The following ATXN7L1 variants were observed in gnomAD, a reference collection of about 807,000 sequenced individuals.
ATXN7L1 encodes ataxin-7-like protein 1.
Under a neutral mutation model 70.8 loss-of-function variants are expected in ATXN7L1, and 15 were observed. The ratio of observed to expected loss-of-function variants is 0.21; its 90% confidence interval spans 0.14 to 0.33. The LOEUF (loss-of-function observed/expected upper bound fraction) is 0.33. Among genes scored for constraint, ATXN7L1 ranks in the 10% least tolerant of loss-of-function variants. The pLI is 1.00. For missense variants in ATXN7L1, 975 were observed against 1,097.1 expected (o/e 0.89, Z 1.57); for synonymous variants, 440 against 445.1 (o/e 0.99, Z 0.14).
chr7:105,632,038 G>A (rs1796669355), intron 7 of ATXN7L1, among the ~76,000 whole-genome samples: 2 of 152,234 alleles, frequency 1.3e-5, no homozygotes, highest in African/African-American at 4.8e-5. Flanking sequence ...ACAAAAGGCT[G>A]AGTGGTGATC....
At chr7:105,666,288 CA>C (rs1386298897) in intron 3 of ATXN7L1, among the ~76,000 whole-genome samples, 1 of 152,218 alleles carries the variant, frequency 6.6e-6, no homozygotes, top group Non-Finnish European at 1.5e-5. Flanking sequence ...TTATGTCTCA[CA>C]CATAATTAGT....
chr7:105,775,233 T>G (rs1349255420), intron 3 of ATXN7L1, among the ~76,000 whole-genome samples: 1 of 152,152 alleles, frequency 6.6e-6, no homozygotes, highest in Non-Finnish European at 1.5e-5. Flanking sequence ...CAATCAACGG[T>G]ATTCCCCGAT....
rs186258737 is a variant in ATXN7L1, at chr7:105,727,196, A to G, written c.355+61408T>C. ...CATTCCTGAATAAACACTATGCACA[A>G]GAGTGTTCACTAGAGCACTGCCAAT... On this transcript the variant is annotated intron_variant, in intron 3 of 11. Coordinates refer to ENST00000419735, the MANE Select transcript of ATXN7L1 (RefSeq NM_020725.2). Among the ~76,000 whole-genome samples, 73 of 152,344 alleles carry G rather than the reference A, an allele frequency of 4.8e-4. 1 individual carries two copies. Among genetic ancestry groups the G allele is most frequent in the African/African-American group, 1.7e-3 (71 of 41,576 alleles).
chr7:105,783,561 C>CA (rs1366627034), intron 3 of ATXN7L1, among the ~76,000 whole-genome samples: 1 of 152,016 alleles, frequency 6.6e-6, no homozygotes, highest in Non-Finnish European at 1.5e-5. Flanking sequence ...ATGGAACCTC[C>CA]AAAAAACCCT....
intron 10 of ATXN7L1, chr7:105,613,449 G>T (rs1441309189): frequency 9.7e-7 from 1 of 1,032,542 alleles, no homozygotes. Context: ...TCCTAAGGGG[G>T]TTCCAACAGA....
At chr7:105,646,444 C>T (rs575729393) in intron 4 of ATXN7L1, among the ~76,000 whole-genome samples, 15 of 152,104 alleles carry the variant, frequency 9.9e-5, no homozygotes, top group African/African-American at 3.4e-4. Flanking sequence ...GTTTTTGAGA[C>T]AGTGTCTCTG....
At chr7:105,791,525 A>G (rs1352727853) in intron 2 of ATXN7L1, among the ~76,000 whole-genome samples, 2 of 152,194 alleles carry the variant, frequency 1.3e-5, no homozygotes, top group African/African-American at 4.8e-5. Flanking sequence ...AACTGTTGAC[A>G]CAGCTCTCGA....
At chr7:105,694,830 A>G (rs1377429049) in intron 3 of ATXN7L1, among the ~76,000 whole-genome samples, 1 of 152,116 alleles carries the variant, frequency 6.6e-6, no homozygotes, top group African/African-American at 2.4e-5. Flanking sequence ...GATAAAACTA[A>G]AAAGGCCAAT....
intron 2 of ATXN7L1, among the ~76,000 whole-genome samples, chr7:105,859,569 C>T (rs992931140): frequency 6.6e-6 from 1 of 151,972 alleles, no homozygotes; most frequent in African/African-American, 2.4e-5. Context: ...TGTGTTACAA[C>T]AATTACCTAC....
chr7:105,875,976 A>G, intron 1 of ATXN7L1, 96 bp from the exon 2 acceptor site: 1 of 1,041,078 alleles, frequency 9.6e-7, no homozygotes, highest in Non-Finnish European at 1.5e-6. Flanking sequence ...ATTTGCAAAC[A>G]GATCGATATA....
intron 3 of ATXN7L1, among the ~76,000 whole-genome samples, chr7:105,733,609 T>TCCATCCTTCCATCCATCCAC (rs1796916680): frequency 2.2e-5 from 1 of 45,742 alleles, no homozygotes; most frequent in African/African-American, 1.0e-4. Context: ...CATCCACCCA[T>TCCATCCTTCCATCCATCCAC]CCATCCATCC....
At chr7:105,738,182 C>G (rs13235564) in intron 3 of ATXN7L1, among the ~76,000 whole-genome samples, 40,748 of 152,118 alleles carry the variant, frequency 0.27, 5,458 homozygotes, top group South Asian at 0.31. Flanking sequence ...AACAAAAGCT[C>G]AACTCTTTCG....
At chr7:105,761,873 T>C (rs1405267015) in intron 3 of ATXN7L1, among the ~76,000 whole-genome samples, 5 of 152,250 alleles carry the variant, frequency 3.3e-5, no homozygotes, top group Admixed American at 6.5e-5. Flanking sequence ...TGTATTCTAA[T>C]ACTTGTCATC....
At position 105,606,116 on chromosome 7, in the gene ATXN7L1, G is replaced by T. The variant is rs554986168; in HGVS notation, c.*1736C>A. ...AATTTGCAGTCTCTTTTCCCAAGAC[G>T]TAAATAAACCAGCATATAAGTGCAC... On this transcript the variant is annotated 3_prime_UTR_variant, in exon 12 of 12. Transcript: ENST00000419735. The T allele has an allele frequency of 6.6e-6, 1 of 151,444 alleles. No homozygotes were observed. Among genetic ancestry groups the T allele is most frequent in the East Asian group, 1.9e-4 (1 of 5,164 alleles). The allele number at this position is 151,444 out of a possible 1,614,324, so 9.4% of individuals were successfully genotyped here. A position where few individuals can be genotyped will look rare whatever the true frequency, so the allele number is the denominator to read the frequency against.
At chr7:105,749,951 G>T (rs886498427) in intron 3 of ATXN7L1, among the ~76,000 whole-genome samples, 1 of 151,824 alleles carries the variant, frequency 6.6e-6, no homozygotes, top group African/African-American at 2.4e-5. Context: ...GTCTGTGAAG[G>T]TTCTTCCTGC....
chr7:105,727,768 A>ATATATATAT (rs1796052646), intron 3 of ATXN7L1, among the ~76,000 whole-genome samples: 1 of 76,058 alleles, frequency 1.3e-5, no homozygotes. Context: ...ATATATATAT[A>ATATATATAT]TATATATATA....
At chr7:105,679,611 A>G (rs1190738452) in intron 3 of ATXN7L1, among the ~76,000 whole-genome samples, 1 of 152,128 alleles carries the variant, frequency 6.6e-6, no homozygotes, top group Non-Finnish European at 1.5e-5. Context: ...TTCATTCTGG[A>G]TATTTAGAAA....
At position 105,625,124 on chromosome 7, in the gene ATXN7L1, G is replaced by GA. The variant is rs928408999; in HGVS notation, c.1203-858dup. Among the ~76,000 whole-genome samples, 268 of 152,308 alleles carry GA rather than the reference G, an allele frequency of 1.8e-3. 2 individuals are homozygous for GA. Among genetic ancestry groups the GA allele is most frequent in the African/African-American group, 6.1e-3 (254 of 41,570 alleles). Reference sequence around the variant, plus strand: ...TTTTAGGAAACTGTTATACTGGCATGAAAAAAAGTTTTGTCCTGGTGATGG... The same window carrying GA: ...TTTTAGGAAACTGTTATACTGGCATGAAAAAAAAGTTTTGTCCTGGTGATGG... On this transcript the variant is annotated intron_variant, in intron 7 of 11. Transcript: ENST00000419735.
rs927590599 is a variant in ATXN7L1 at position 105,614,824 on chromosome 7, T to A, written c.1518-8A>T. 2 of 1,544,234 alleles carry A rather than the reference T, an allele frequency of 1.3e-6. No individual in the cohort carries two copies. Among genetic ancestry groups the A allele is most frequent in the African/African-American group, 1.4e-5 (1 of 72,750 alleles). On this transcript the variant is annotated splice_region_variant and splice_polypyrimidine_tract_variant and intron_variant, in intron 9 of 11. Coordinates refer to ENST00000419735, the MANE Select transcript of ATXN7L1 (RefSeq NM_020725.2). This position sits in a 1 kb window ranked among gnomAD's most constrained non-coding sequence, Gnocchi z 4.3. ...GCCGCAGGAGGGATCTTCCTAAACA[T>A]GAGAGAAGAGTGAAAGAGAATCAGT...
Sources: gnomAD v4.1 joint callset for allele counts (sites outside exome capture counted in the v4.1 genomes callset) on GRCh38, gnomAD v4.1.1 for gene constraint, Gnocchi (gnomAD v3.1) non-coding constraint, MANE v1.5 for transcripts, NCBI Gene and HGNC (gene_info 2026-07-23, HGNC 2026-07-21) for gene names.